The following SPPL3 variants were observed in gnomAD, a reference collection of about 807,000 sequenced individuals.
SPPL3 encodes the protein signal peptide peptidase-like 3.
A neutral mutation model predicts 42.4 loss-of-function variants in SPPL3; 5 were observed. The observed-to-expected ratio is 0.12, with a 90% CI of 0.06 to 0.25. The LOEUF (loss-of-function observed/expected upper bound fraction) is 0.25, where lower values mean the gene tolerates loss of function less well. Among genes scored for constraint, SPPL3 ranks in the 10% least tolerant of loss-of-function variants. The pLI is 1.00. For missense variants in SPPL3, 235 were observed against 489.0 expected (o/e 0.48, Z 4.90); for synonymous variants, 195 against 181.8 (o/e 1.07, Z -0.58).
chr12:120,850,423 C>T (rs1007761153), intron 1 of SPPL3, among the ~76,000 whole-genome samples: 3 of 145,726 alleles, frequency 2.1e-5, no homozygotes, highest in African/African-American at 2.5e-5. Context: ...ACTTGGGAGG[C>T]TGAGGTGGGA....
At position 120,867,546 on chromosome 12, in the gene SPPL3, T is replaced by C. The variant is rs569129458; in HGVS notation, c.23+36299A>G. 2.5e-3 allele frequency among the ~76,000 whole-genome samples: 386 copies of C among 151,864 alleles called. 2 individuals carry two copies. Among genetic ancestry groups the C allele is most frequent in the Non-Finnish European group, 4.4e-3 (299 of 67,946 alleles). ...TGGGTGTGATGGTACGTGCCTGTAG[T>C]CCCAGCTACTTGAGAGGCTGAGGCA... On this transcript the variant is annotated intron_variant, in intron 1 of 10. Transcript: ENST00000353487.
intron 1 of SPPL3, among the ~76,000 whole-genome samples, chr12:120,832,676 A>G (rs1871466876): frequency 6.6e-6 from 1 of 152,214 alleles, no homozygotes; most frequent in Admixed American, 6.5e-5. Context: ...CAAAAAAAAA[A>G]AAGCTATTTG....
chr12:120,827,377 C>CAAT (rs1241649040), intron 1 of SPPL3, among the ~76,000 whole-genome samples: 6 of 148,588 alleles, frequency 4.0e-5, no homozygotes, highest in African/African-American at 1.2e-4. Context: ...ATAATAATAA[C>CAAT]AATAATAATA....
At chr12:120,849,569 T>TA (rs1309458926) in intron 1 of SPPL3, among the ~76,000 whole-genome samples, 2 of 152,162 alleles carry the variant, frequency 1.3e-5, no homozygotes, top group Non-Finnish European at 2.9e-5. Flanking sequence ...CAAACAGCTC[T>TA]AAAAAACAGA....
intron 1 of SPPL3, among the ~76,000 whole-genome samples, chr12:120,870,316 A>G (rs1036005747): frequency 6.6e-6 from 1 of 152,136 alleles, no homozygotes; most frequent in African/African-American, 2.4e-5. Flanking sequence ...GTGGTGGCGC[A>G]TGCCTGTAAT....
chr12:120,832,597 C>T (rs985907156), intron 1 of SPPL3, among the ~76,000 whole-genome samples: 11 of 151,658 alleles, frequency 7.3e-5, no homozygotes, highest in Admixed American at 2.6e-4. Flanking sequence ...CACTTGAACC[C>T]GGAGGTTGCA....
At chr12:120,789,420 C>T (rs928465237) in intron 3 of SPPL3, among the ~76,000 whole-genome samples, 4 of 121,444 alleles carry the variant, frequency 3.3e-5, no homozygotes, top group African/African-American at 9.4e-5. Context: ...CACCTCTGCA[C>T]TCCAGCCTGG....
intron 6 of SPPL3, chr12:120,769,765 G>C (rs1447500512): frequency 6.6e-6 from 1 of 152,196 alleles, no homozygotes; most frequent in Non-Finnish European, 1.5e-5. Flanking sequence ...TGGCCAGGCT[G>C]GTCTCGAATT....
At chr12:120,823,199 A>T (rs796474597) in intron 1 of SPPL3, among the ~76,000 whole-genome samples, 120 of 43,278 alleles carry the variant, frequency 2.8e-3, no homozygotes, top group African/African-American at 8.1e-3. Flanking sequence ...AGAGACGGAG[A>T]GTGTGTGTGT....
chr12:120,830,666 C>T (rs1871399529), intron 1 of SPPL3, among the ~76,000 whole-genome samples: 2 of 147,302 alleles, frequency 1.4e-5, no homozygotes, highest in African/African-American at 5.0e-5. Flanking sequence ...TCTAAGCTTC[C>T]AGTCTGGTAT....
At chr12:120,889,770 G>A (rs1052035740) in intron 1 of SPPL3, among the ~76,000 whole-genome samples, 4 of 151,178 alleles carry the variant, frequency 2.6e-5, no homozygotes, top group Non-Finnish European at 5.9e-5. Flanking sequence ...GTGTTATGAA[G>A]AGGTCCTACA....
intron 2 of SPPL3, among the ~76,000 whole-genome samples, chr12:120,803,204 A>T (rs1275333627): frequency 6.6e-6 from 1 of 152,196 alleles, no homozygotes; most frequent in African/African-American, 2.4e-5. Context: ...TAGTAACAGG[A>T]GTGCTGGCAT....
At chr12:120,769,525 T>G (rs1227450139) in intron 6 of SPPL3, 1 of 157,062 alleles carries the variant, frequency 6.4e-6, no homozygotes, top group Non-Finnish European at 1.4e-5. Flanking sequence ...TTTTCAGAGA[T>G]TACCACTGTT....
At position 120,884,781 on chromosome 12, in the gene SPPL3, T is replaced by C. The variant is rs532242428; in HGVS notation, c.23+19064A>G. On this transcript the variant is annotated intron_variant, in intron 1 of 10. Transcript: ENST00000353487. ...GCTGGAGATGTTTCAAAATTATGGC[T>C]AGAGTTTTTTTGGGTTTTTTTTTTG... is the stretch of plus-strand genomic sequence containing the variant. Among the ~76,000 whole-genome samples, 362 of 150,106 alleles carry C rather than the reference T, an allele frequency of 2.4e-3. 3 individuals are homozygous for C. The highest frequency in any genetic ancestry group is 2.9e-3 in the Non-Finnish European group (199 of 67,694).
chr12:120,892,546 T>C (rs1396605633), intron 1 of SPPL3, among the ~76,000 whole-genome samples: 1 of 152,110 alleles, frequency 6.6e-6, no homozygotes, highest in African/African-American at 2.4e-5. Context: ...AGTAACCCAG[T>C]GTGGCTGAAG....
At chr12:120,784,381 A>G in intron 4 of SPPL3, 93 bp downstream of exon 4, 1 of 1,309,472 alleles carries the variant, frequency 7.6e-7, no homozygotes. Flanking sequence ...AACTTACATG[A>G]CATGGTATAT....
At chr12:120,901,755 C>CA in intron 1 of SPPL3, 1 of 384,178 alleles carries the variant, frequency 2.6e-6, no homozygotes, top group Non-Finnish European at 3.6e-6. Context: ...GTAAAGCAAA[C>CA]AGAGCTGACA....
At chr12:120,877,968 G>T (rs2137055080) in intron 1 of SPPL3, among the ~76,000 whole-genome samples, 2 of 151,918 alleles carry the variant, frequency 1.3e-5, no homozygotes, top group African/African-American at 4.8e-5. Flanking sequence ...GTTGCAGTGA[G>T]CCACTGCACC....
intron 3 of SPPL3, among the ~76,000 whole-genome samples, chr12:120,785,403 C>T (rs988832166): frequency 1.3e-5 from 2 of 152,010 alleles, no homozygotes; most frequent in African/African-American, 4.8e-5. Flanking sequence ...AATTACAAAG[C>T]CCAGGTCCAA....
Sources: gnomAD v4.1 joint callset for allele counts (sites outside exome capture counted in the v4.1 genomes callset) on GRCh38, gnomAD v4.1.1 for gene constraint, MANE v1.5 for transcripts, NCBI Gene and HGNC (gene_info 2026-07-23, HGNC 2026-07-21) for gene names.